The following CACNA2D3 variants were observed in gnomAD, a reference collection of about 807,000 sequenced individuals.
The protein encoded by CACNA2D3 is voltage-dependent calcium channel subunit alpha-2/delta-3.
CACNA2D3 carries 60 observed loss-of-function variants against 160.6 expected under a neutral mutation model. That is an observed-to-expected ratio of 0.37 (90% CI 0.30 to 0.46). The LOEUF (loss-of-function observed/expected upper bound fraction) is 0.46. Among genes scored for constraint, CACNA2D3 ranks in the 20% least tolerant of loss-of-function variants. The pLI, the probability that CACNA2D3 is intolerant of heterozygous loss-of-function variation, is 1.00. For missense variants in CACNA2D3, 1,205 were observed against 1,365.0 expected (o/e 0.88, Z 1.85); for synonymous variants, 558 against 492.9 (o/e 1.13, Z -1.75).
chr3:54,913,413 C>T (rs1700598318), intron 27 of CACNA2D3, among the ~76,000 whole-genome samples: 1 of 152,134 alleles, frequency 6.6e-6, no homozygotes, highest in Admixed American at 6.5e-5. Flanking sequence ...ATGAGTATTT[C>T]AATGGGAAAT....
chr3:54,553,918 T>C (rs1702199341), intron 5 of CACNA2D3, among the ~76,000 whole-genome samples: 1 of 152,188 alleles, frequency 6.6e-6, no homozygotes, highest in African/African-American at 2.4e-5. Context: ...ATGATGGACC[T>C]TGGCATGGGT....
chr3:54,816,818 T>A, intron 13 of CACNA2D3, 35 bp from the exon 14 acceptor site: 1 of 1,610,280 alleles, frequency 6.2e-7, no homozygotes, highest in East Asian at 2.2e-5. Context: ...GATCAACTTT[T>A]TTCTTTTTTG....
At chr3:54,997,966 A>G (rs984998556) in intron 31 of CACNA2D3, among the ~76,000 whole-genome samples, 4 of 152,118 alleles carry the variant, frequency 2.6e-5, no homozygotes, top group Non-Finnish European at 5.9e-5. Flanking sequence ...GTGCAGCTTT[A>G]AACTATGAGA....
intron 4 of CACNA2D3, among the ~76,000 whole-genome samples, chr3:54,475,836 T>TGTGTGTGTGTGTGTGTGTGA (rs367560891): frequency 4.7e-4 from 71 of 151,376 alleles, no homozygotes; most frequent in African/African-American, 1.5e-3. Flanking sequence ...TGTGTGTGTG[T>TGTGTGTGTGTGTGTGTGTGA]GACAGAGAGA....
At chr3:54,726,034 C>T (rs1701269167) in intron 11 of CACNA2D3, among the ~76,000 whole-genome samples, 1 of 152,064 alleles carries the variant, frequency 6.6e-6, no homozygotes, top group Non-Finnish European at 1.5e-5. Flanking sequence ...AGTGGAGTCT[C>T]CTTAGGCTGA....
chr3:54,228,915 G>T (rs1701720919), intron 2 of CACNA2D3, among the ~76,000 whole-genome samples: 1 of 152,216 alleles, frequency 6.6e-6, no homozygotes, highest in African/African-American at 2.4e-5. Flanking sequence ...AAGACCCTGA[G>T]ATCTTTCCAG....
chr3:54,821,065 T>C (rs2360033), intron 14 of CACNA2D3, among the ~76,000 whole-genome samples: 3,880 of 152,266 alleles, frequency 0.025, 158 homozygotes, highest in African/African-American at 0.085. Flanking sequence ...GTGTCCAGAC[T>C]CTGGTACCCT....
intron 2 of CACNA2D3, among the ~76,000 whole-genome samples, chr3:54,244,056 C>A (rs1027795505): frequency 2.6e-5 from 4 of 152,190 alleles, no homozygotes; most frequent in African/African-American, 9.7e-5. Context: ...TCCCTCAGAG[C>A]CTAGTAATGC....
In CACNA2D3 at chr3:54,732,120, T is replaced by C. The variant is rs1381832121; in HGVS notation, c.1168-20479T>C. Among the ~76,000 whole-genome samples, 3 of 152,232 alleles carry C rather than the reference T, an allele frequency of 2.0e-5. No homozygotes were observed. In the South Asian group the frequency reaches 6.2e-4, roughly 31 times the overall value. On this transcript the variant is annotated intron_variant, in intron 11 of 37. Transcript: ENST00000474759. ...GGAAGTATTCTGTTTAGGCTACGTG[T>C]TTAAGGGTGAAAAGTGTTTATAGAA...
intron 13 of CACNA2D3, among the ~76,000 whole-genome samples, chr3:54,808,120 G>T (rs2106690910): frequency 6.6e-6 from 1 of 151,080 alleles, no homozygotes; most frequent in Admixed American, 6.6e-5. Context: ...ATGAGTTAAT[G>T]GGTGCAGCAC....
rs559840602 is a variant in CACNA2D3, at chr3:54,148,433, G to A, written c.204+24839G>A. Among the ~76,000 whole-genome samples, 12 of 152,320 alleles carry A rather than the reference G, an allele frequency of 7.9e-5. No individual in the cohort carries two copies. In the South Asian group the frequency reaches 2.5e-3, roughly 32 times the overall value. On this transcript the variant is annotated intron_variant, in intron 2 of 37. Coordinates refer to ENST00000474759, the MANE Select transcript of CACNA2D3 (RefSeq NM_018398.3). ...ACTGTGGAATCAGAACTAGGCGCTG[G>A]AATGGGCTTGCCAAGTGAAGAACGT...
chr3:55,008,888 T>TACACACACACAC (rs4024588), intron 33 of CACNA2D3, among the ~76,000 whole-genome samples: 4,612 of 142,910 alleles, frequency 0.032, 102 homozygotes, highest in Middle Eastern at 0.069. Flanking sequence ...CCTCCCTCTA[T>TACACACACACAC]ACACACACAC....
chr3:54,977,335 A>G (rs1416841567), intron 29 of CACNA2D3, among the ~76,000 whole-genome samples: 1 of 152,146 alleles, frequency 6.6e-6, no homozygotes, highest in Non-Finnish European at 1.5e-5. Flanking sequence ...CTAATGTGCC[A>G]ATGGCTTCCT....
chr3:54,573,057 T>G (rs1702525913), intron 8 of CACNA2D3, among the ~76,000 whole-genome samples: 1 of 152,146 alleles, frequency 6.6e-6, no homozygotes. Context: ...AAAAAAATTT[T>G]TTTACCCCAA....
intron 4 of CACNA2D3, among the ~76,000 whole-genome samples, chr3:54,499,180 C>T (rs2106937024): frequency 6.6e-6 from 1 of 152,152 alleles, no homozygotes; most frequent in Admixed American, 6.5e-5. Flanking sequence ...TGTTAGACAC[C>T]ACTTCCAATG....
chr3:54,751,463 T>C (rs1315664143), intron 11 of CACNA2D3, among the ~76,000 whole-genome samples: 2 of 152,128 alleles, frequency 1.3e-5, no homozygotes, highest in Non-Finnish European at 2.9e-5. Context: ...TTTTTGTGTT[T>C]TTTTTAATCT....
intron 9 of CACNA2D3, among the ~76,000 whole-genome samples, chr3:54,598,933 G>A (rs1167552446): frequency 2.0e-5 from 3 of 152,270 alleles, no homozygotes; most frequent in Non-Finnish European, 2.9e-5. Context: ...CTGGGTTTTC[G>A]TGGCCAGCAT....
At chr3:55,027,630 T>G (rs1220446664) in intron 35 of CACNA2D3, among the ~76,000 whole-genome samples, 1 of 152,170 alleles carries the variant, frequency 6.6e-6, no homozygotes, top group Non-Finnish European at 1.5e-5. Context: ...TTGACCAACT[T>G]TGTAGGTAAC....
chr3:54,970,201 G>A (rs1485876102), intron 29 of CACNA2D3, among the ~76,000 whole-genome samples: 6 of 151,896 alleles, frequency 4.0e-5, no homozygotes, highest in Admixed American at 1.3e-4. Flanking sequence ...TGCAACAACC[G>A]GTGAAATAGG....
Sources: allele counts gnomAD v4.1 joint callset (sites outside exome capture counted in the v4.1 genomes callset), GRCh38; gene constraint gnomAD v4.1.1; transcripts MANE v1.5; gene names NCBI Gene and HGNC (gene_info 2026-07-23, HGNC 2026-07-21).